The following CYP11A1 variants were observed in gnomAD, a reference collection of about 807,000 sequenced individuals.
CYP11A1 encodes cytochrome P450 family 11 subfamily A member 1, also known as cholesterol side-chain cleavage enzyme, mitochondrial.
A neutral mutation model predicts 51.9 loss-of-function variants in CYP11A1; 25 were observed. That is an observed-to-expected ratio of 0.48 (90% CI 0.35 to 0.67). The LOEUF is 0.67. CYP11A1 is among the 30% of genes least tolerant of loss of function. CYP11A1 has a pLI of 0.00. For synonymous variants in CYP11A1, 245 were observed against 262.1 expected (o/e 0.93, Z 0.63); for missense variants, 578 against 680.9 (o/e 0.85, Z 1.68).
intron 1 of CYP11A1, among the ~76,000 whole-genome samples, chr15:74,360,747 T>C (rs1359420850): frequency 1.3e-5 from 2 of 151,724 alleles, no homozygotes; most frequent in Admixed American, 1.3e-4. Context: ...CTAGTAAAAA[T>C]ACAAAATTAG....
At chr15:74,366,159 A>G (rs2060732187) in intron 1 of CYP11A1, 4 of 985,390 alleles carry the variant, frequency 4.1e-6, no homozygotes, top group African/African-American at 1.7e-5. Flanking sequence ...ATTTCGGAAT[A>G]GCGCGGCCCG....
intron 6 of CYP11A1, 125 bp downstream of exon 6, chr15:74,339,462 C>T: frequency 2.1e-6 from 3 of 1,453,750 alleles, no homozygotes; most frequent in South Asian, 1.2e-5. Flanking sequence ...CTTTCTCCTC[C>T]AGACTTTTCA....
intron 1 of CYP11A1, 35 bp downstream of exon 1, chr15:74,367,282 C>A: frequency 6.2e-7 from 1 of 1,614,028 alleles, no homozygotes; most frequent in East Asian, 2.2e-5. Flanking sequence ...CTCCTCCTCC[C>A]TGTCCCTTCG....
At chr15:74,361,635 A>T (rs113266674) in intron 1 of CYP11A1, 6 of 1,196,578 alleles carry the variant, frequency 5.0e-6, no homozygotes, top group South Asian at 1.2e-5. Flanking sequence ...TGCAGACAAG[A>T]TTCCAAAAAC....
rs916213032 is a variant in CYP11A1, at chr15:74,367,158, A to G, written c.269+159T>C. The G allele has an allele frequency of 7.1e-5, 50 of 703,416 alleles. No individual in the cohort carries two copies. In the Admixed American group the frequency reaches 1.2e-3, roughly 17 times the overall value. 43.6% of individuals were successfully genotyped at this position (703,416 alleles called of 1,614,324 possible). A position where few individuals can be genotyped will look rare whatever the true frequency, so the allele number is the denominator to read the frequency against. On this transcript the variant is annotated intron_variant, in intron 1 of 8. Coordinates refer to ENST00000268053, the MANE Select transcript of CYP11A1 (RefSeq NM_000781.3). ...TGTTGAATTTTGAAATATCCCTGAT[A>G]TATTTCTGTATTGTATTACCAAAAA...
intron 4 of CYP11A1, 72 bp from the exon 5 acceptor site, chr15:74,343,209 G>A (rs1596159474): frequency 1.3e-6 from 2 of 1,536,416 alleles, no homozygotes; most frequent in East Asian, 2.2e-5. Context: ...AGTCTGTGGT[G>A]AAAGGTGGCA....
rs1317350754 is a variant in CYP11A1, at chr15:74,339,155, C to T, written c.1236+82G>A. On this transcript the variant is annotated intron_variant, in intron 7 of 8. Coordinates refer to ENST00000268053, the MANE Select transcript of CYP11A1 (RefSeq NM_000781.3). ...GCCATCAAGGGCCCCACCAGGGCCC[C>T]AGTGCCACCCTCTGTCTGCAATTCC... 10 of 1,212,162 alleles carry T rather than the reference C, an allele frequency of 8.2e-6. No individual in the cohort carries two copies. In the Admixed American group the frequency reaches 1.0e-4, roughly 13 times the overall value. The allele number at this position is 1,212,162 out of a possible 1,614,324, so 75.1% of individuals were successfully genotyped here. A position where few individuals can be genotyped will look rare whatever the true frequency, so the allele number is the denominator to read the frequency against.
At chr15:74,342,478 C>A (rs1035894746) in intron 5 of CYP11A1, among the ~76,000 whole-genome samples, 1 of 152,112 alleles carries the variant, frequency 6.6e-6, no homozygotes, top group African/African-American at 2.4e-5. Context: ...TTGGGGGCAC[C>A]GTAGGGTACT....
intron 1 of CYP11A1, chr15:74,359,466 T>C (rs2060696883): frequency 6.6e-6 from 1 of 152,278 alleles, no homozygotes; most frequent in African/African-American, 2.4e-5. Flanking sequence ...CTGAAGTAAC[T>C]GAAGGATCAC....
intron 5 of CYP11A1, 30 bp from the exon 6 acceptor site, chr15:74,339,783 A>G: frequency 6.2e-7 from 1 of 1,613,082 alleles, no homozygotes; most frequent in Non-Finnish European, 8.5e-7. Context: ...ACAGAAGACC[A>G]GGAGGGCCTG....
At chr15:74,342,421 AG>A (rs2060611317) in intron 5 of CYP11A1, among the ~76,000 whole-genome samples, 1 of 152,186 alleles carries the variant, frequency 6.6e-6, no homozygotes, top group Non-Finnish European at 1.5e-5. Flanking sequence ...AGAAGTTTCT[AG>A]GGTGCCATGC....
Position 74,338,745 on chromosome 15 carries a change from A to G in CYP11A1, c.1260T>C (p.Tyr420=). The change falls in exon 8 of 9, where the codon TAT becomes TAC. Residue 420 remains tyrosine, a synonymous_variant. Coordinates refer to ENST00000268053, the MANE Select transcript of CYP11A1 (RefSeq NM_000781.3). ...PAKTLVQVAI[Y]ALGREPTFFF... ...AGAAGGTGGGCTCTCGGCCCAGAGC[A>G]TAGATGGCCACTTGCACCAGTGTCT... 6.2e-7 allele frequency: 1 copy of G among 1,614,190 alleles called. No individual in the cohort carries two copies.
At position 74,345,006 on chromosome 15, in the gene CYP11A1, C is replaced by T. The variant is rs1430774952; in HGVS notation, c.625+38G>A. 6.3e-7 allele frequency: 1 copy of T among 1,586,296 alleles called. No individual in the cohort carries two copies. On this transcript the variant is annotated intron_variant, in intron 3 of 8. Transcript: ENST00000268053. The surrounding 1 kb of genome is among the most constrained non-coding windows in gnomAD (Gnocchi z 4.3). ...GAGAGTGAACACTGAGTCCTCCCAC[C>T]CCCATGCCCACTGCCAGCCAGGTGC...
At chr15:74,338,236 G>C (rs953763580) in intron 8 of CYP11A1, 133 bp from the exon 9 acceptor site, 1 of 1,031,390 alleles carries the variant, frequency 9.7e-7, no homozygotes, top group African/African-American at 1.6e-5. Flanking sequence ...CCAGCTCCTG[G>C]TGTAACCCTG....
chr15:74,359,375 A>C (rs944155419), intron 1 of CYP11A1: 1 of 152,290 alleles, frequency 6.6e-6, no homozygotes, highest in African/African-American at 2.4e-5. Context: ...TTACTAATAT[A>C]AGAAGACAGG....
At chr15:74,346,790 C>A (rs949974968) in intron 2 of CYP11A1, among the ~76,000 whole-genome samples, 1 of 149,178 alleles carries the variant, frequency 6.7e-6, no homozygotes, top group Non-Finnish European at 1.5e-5. Context: ...TACGTTTTAC[C>A]TTTTCTTTTC....
Position 74,362,221 on chromosome 15 carries a change from C to T in CYP11A1, c.269+5096G>A, listed in dbSNP as rs1480398263. On this transcript the variant is annotated intron_variant, in intron 1 of 8. Transcript: ENST00000268053. Reference sequence around the variant, plus strand: ...AAAGTTTATGATTATGAAATAAAAACTAAATAACAACAAAAAATTGTTTAT... The same window carrying T: ...AAAGTTTATGATTATGAAATAAAAATTAAATAACAACAAAAAATTGTTTAT... The T allele has an allele frequency of 9.3e-6, 4 of 432,052 alleles. No homozygotes were observed. The East Asian group carries it at 1.6e-4, about 17-fold the overall frequency. The allele number at this position is 432,052 out of a possible 1,614,324, so 26.8% of individuals were successfully genotyped here.
chr15:74,341,442 C>A lies in CYP11A1; in HGVS notation c.990+1535G>T, dbSNP rs149325769. On this transcript the variant is annotated intron_variant, in intron 5 of 8. Coordinates refer to ENST00000268053, the MANE Select transcript of CYP11A1 (RefSeq NM_000781.3). ...GAATGAAAGTGATTCACCCAGGGGG[C>A]TTGACATGTGCTTCTCCCTAGTCCT... 6.6e-5 allele frequency among the ~76,000 whole-genome samples: 10 copies of A among 152,312 alleles called. No homozygotes were observed. The East Asian group carries it at 1.7e-3, about 26-fold the overall frequency.
intron 1 of CYP11A1, chr15:74,364,680 C>T (rs552432014): frequency 6.6e-6 from 1 of 152,332 alleles, no homozygotes; most frequent in South Asian, 2.1e-4. Context: ...GGACACCCTC[C>T]ACCGGTAACA....
Sources: allele counts gnomAD v4.1 joint callset (sites outside exome capture counted in the v4.1 genomes callset), GRCh38; gene constraint gnomAD v4.1.1; non-coding constraint Gnocchi (gnomAD v3.1); transcripts MANE v1.5; gene names NCBI Gene and HGNC (gene_info 2026-07-23, HGNC 2026-07-21).